SCHIP1: variants seen among roughly 807,000 people sequenced by gnomAD.
SCHIP1 encodes the protein schwannomin-interacting protein 1.
In SCHIP1, 8 loss-of-function variants were observed where a neutral mutation model predicts 29.7. The ratio of observed to expected loss-of-function variants is 0.27; its 90% CI spans 0.16 to 0.49. SCHIP1 has a LOEUF of 0.49. Among genes scored for constraint, SCHIP1 ranks in the 20% least tolerant of loss-of-function variants. The pLI, the probability that SCHIP1 is intolerant of heterozygous loss-of-function variation, is 0.99. For missense variants in SCHIP1, 193 were observed against 294.6 expected, an observed-to-expected ratio of 0.66 and a Z score of 2.52; for synonymous variants, 76 against 94.9, an observed-to-expected ratio of 0.80 and a Z score of 1.16.
chr3:159,626,162 C>A, the SCHIP1 span, among the ~76,000 whole-genome samples: 1,783 of 67,150 alleles, frequency 0.027, 142 homozygotes, highest in African/African-American at 0.17. Context: ...ATATATATAT[C>A]TAGATATATC....
At chr3:159,468,762 T>TAC in the SCHIP1 span, among the ~76,000 whole-genome samples, 42 of 122,048 alleles carry the variant, frequency 3.4e-4, no homozygotes, top group African/African-American at 1.3e-3. Context: ...ATATAATATA[T>TAC]ATATATATAT....
chr3:159,369,327 T>C, the SCHIP1 span, among the ~76,000 whole-genome samples: 6 of 152,194 alleles, frequency 3.9e-5, no homozygotes, highest in African/African-American at 1.4e-4. Context: ...AAATGTACTG[T>C]TGAGGAATTT....
chr3:159,424,355 G>A, the SCHIP1 span, among the ~76,000 whole-genome samples: 2 of 152,196 alleles, frequency 1.3e-5, no homozygotes, highest in East Asian at 3.9e-4. Context: ...AGGAGCTGAT[G>A]GAGCTGAAAG....
At chr3:159,610,340 A>G in the SCHIP1 span, among the ~76,000 whole-genome samples, 1 of 152,184 alleles carries the variant, frequency 6.6e-6, no homozygotes, top group Admixed American at 6.5e-5. Flanking sequence ...GAAAATGAGG[A>G]GTTACCTACC....
At chr3:159,689,127 C>A in the SCHIP1 span, among the ~76,000 whole-genome samples, 2 of 152,150 alleles carry the variant, frequency 1.3e-5, no homozygotes, top group African/African-American at 2.4e-5. Context: ...TTTTCTAATT[C>A]TGTGAAGAAA....
the SCHIP1 span, among the ~76,000 whole-genome samples, chr3:159,465,353 G>A: frequency 3.3e-5 from 5 of 151,676 alleles, no homozygotes; most frequent in Non-Finnish European, 7.4e-5. Flanking sequence ...GTGTGCGTGT[G>A]TGTGTGTGTG....
chr3:159,827,070 A>G, the SCHIP1 span, among the ~76,000 whole-genome samples: 1 of 152,226 alleles, frequency 6.6e-6, no homozygotes, highest in African/African-American at 2.4e-5. Flanking sequence ...CTTTAGGACA[A>G]AGCAAGTTAA....
At chr3:159,677,663 G>T in the SCHIP1 span, among the ~76,000 whole-genome samples, 1 of 152,178 alleles carries the variant, frequency 6.6e-6, no homozygotes, top group Non-Finnish European at 1.5e-5. Context: ...CTGTCCTGGA[G>T]TCCACCAGCG....
At chr3:159,398,912 T>C in the SCHIP1 span, 1 of 963,348 alleles carries the variant, frequency 1.0e-6, no homozygotes, top group Non-Finnish European at 1.2e-6. Flanking sequence ...CAGTCAGATA[T>C]ACTATACAGA....
the SCHIP1 span, among the ~76,000 whole-genome samples, chr3:159,807,139 C>A: frequency 1.3e-5 from 2 of 152,180 alleles, no homozygotes; most frequent in Non-Finnish European, 2.9e-5. Context: ...CGCCTTCTTG[C>A]AGAAATAAGG....
chr3:159,282,728 G>A, the SCHIP1 span: 1 of 147,544 alleles, frequency 6.8e-6, no homozygotes, highest in Admixed American at 6.7e-5. Context: ...AGTAAATGGT[G>A]CTCAGGAATC....
the SCHIP1 span, among the ~76,000 whole-genome samples, chr3:159,407,557 T>C: frequency 5.3e-5 from 8 of 152,170 alleles, no homozygotes; most frequent in Non-Finnish European, 1.2e-4. Flanking sequence ...TTACAGAACA[T>C]TTCATCCAAT....
chr3:159,769,527 A>G, the SCHIP1 span, among the ~76,000 whole-genome samples: 6 of 152,262 alleles, frequency 3.9e-5, no homozygotes, highest in East Asian at 5.8e-4. Flanking sequence ...AGGCAGGCGG[A>G]TCACCTGAGG....
At chr3:159,697,219 A>G in the SCHIP1 span, among the ~76,000 whole-genome samples, 1 of 152,208 alleles carries the variant, frequency 6.6e-6, no homozygotes, top group Admixed American at 6.5e-5. Context: ...AGGTAGAATT[A>G]ACAGGATTTG....
chr3:159,742,730 C>T, the SCHIP1 span, among the ~76,000 whole-genome samples: 2 of 151,740 alleles, frequency 1.3e-5, no homozygotes, highest in East Asian at 1.9e-4. Context: ...TGCAATGGTC[C>T]GATCTCAGCT....
chr3:159,806,461 A>G, the SCHIP1 span, among the ~76,000 whole-genome samples: 1 of 152,244 alleles, frequency 6.6e-6, no homozygotes, highest in Admixed American at 6.5e-5. Flanking sequence ...GACAAGAAAG[A>G]ATAGGTTTTT....
the SCHIP1 span, among the ~76,000 whole-genome samples, chr3:159,384,780 T>A: frequency 7.7e-3 from 1,173 of 152,236 alleles, 12 homozygotes; most frequent in African/African-American, 0.027. Flanking sequence ...ATTGCCACAA[T>A]TTCAGAGCCT....
the SCHIP1 span, among the ~76,000 whole-genome samples, chr3:159,689,608 G>T: frequency 1.2e-3 from 190 of 152,200 alleles, no homozygotes; most frequent in African/African-American, 4.5e-3. Context: ...TTGCCTGATT[G>T]CCCTGGCCAG....
chr3:159,866,367 C>A, intron 2 of SCHIP1, 86 bp downstream of exon 3: 2 of 1,335,730 alleles, frequency 1.5e-6, no homozygotes, highest in Non-Finnish European at 1.0e-6. Flanking sequence ...GCCTTTAAAT[C>A]TTCTGTAGTT....
Sources: gnomAD v4.1 joint callset for allele counts (sites outside exome capture counted in the v4.1 genomes callset) on GRCh38, gnomAD v4.1.1 for gene constraint, MANE v1.5 for transcripts, NCBI Gene and HGNC (gene_info 2026-07-23, HGNC 2026-07-21) for gene names.